PRRG4: variants seen among roughly 807,000 people sequenced by gnomAD.
PRRG4 encodes the protein transmembrane gamma-carboxyglutamic acid protein 4.
Under a neutral mutation model 20.0 loss-of-function variants are expected in PRRG4, and 12 were observed. That is an observed-to-expected ratio of 0.60 (90% CI 0.38 to 0.97). The LOEUF is 0.97. Among genes scored for constraint, PRRG4 ranks in the 50% least tolerant of loss-of-function variants. PRRG4 has a pLI of 0.00. For synonymous variants in PRRG4, 94 were observed against 96.4 expected (o/e 0.98, Z 0.15); for missense variants, 199 against 265.1 (o/e 0.75, Z 1.73).
At chr11:32,830,404 C>T (rs1468385803) in intron 1 of PRRG4, 104 bp from the exon 2 acceptor site, 1 of 1,015,890 alleles carries the variant, frequency 9.8e-7, no homozygotes, top group Non-Finnish European at 1.3e-6. Flanking sequence ...GGCGCTCTTG[C>T]GCCTAGGCTT....
At chr11:32,830,748 A>G in intron 2 of PRRG4, 116 bp downstream of exon 2, 1 of 1,496,396 alleles carries the variant, frequency 6.7e-7, no homozygotes, top group Non-Finnish European at 9.0e-7. Context: ...AATATCCTTT[A>G]GTTTAATTTG....
chr11:32,830,442 C>T (rs1850956886), intron 1 of PRRG4, 66 bp from the exon 2 acceptor site: 2 of 1,220,382 alleles, frequency 1.6e-6, no homozygotes, highest in African/African-American at 1.6e-5. Flanking sequence ...TGATTCAGTT[C>T]GACAGAAACT....
intron 2 of PRRG4, among the ~76,000 whole-genome samples, chr11:32,831,093 T>A (rs191436053): frequency 9.8e-4 from 149 of 152,242 alleles, no homozygotes; most frequent in Non-Finnish European, 3.4e-4. Context: ...GGGCGTAAAA[T>A]GATCTCTGAG....
At chr11:32,848,348 T>C (rs1017229473) in intron 5 of PRRG4, among the ~76,000 whole-genome samples, 2 of 152,100 alleles carry the variant, frequency 1.3e-5, no homozygotes, top group African/African-American at 4.8e-5. Flanking sequence ...TACTGTTGCA[T>C]TGAGGATTAA....
Position 32,853,610 on chromosome 11 carries a change from G to T in PRRG4, c.*83G>T. The stretch of plus-strand genomic sequence containing the variant: ...CTCATGCCTGTAATCCCAGCACTTT[G>T]GGAGGCCAGGAGTTCGAGACCAGCC... On this transcript the variant is annotated 3_prime_UTR_variant, in exon 6 of 6. Transcript: ENST00000257836. 8.8e-7 allele frequency: 1 copy of T among 1,130,000 alleles called. No individual in the cohort carries two copies. The highest frequency in any genetic ancestry group is 1.4e-5 in the South Asian group (1 of 73,408). The allele number at this position is 1,130,000 out of a possible 1,614,324, so 70.0% of individuals were successfully genotyped here. A position where few individuals can be genotyped will look rare whatever the true frequency, so the allele number is the denominator to read the frequency against.
Position 32,830,491 on chromosome 11 carries a change from T to G in PRRG4, c.-22-17T>G. The G allele has an allele frequency of 6.8e-7, 1 of 1,461,222 alleles. No homozygotes were observed. The highest frequency in any genetic ancestry group is 2.1e-4 in the Middle Eastern group (1 of 4,802). The allele number at this position is 1,461,222 out of a possible 1,614,324, so 90.5% of individuals were successfully genotyped here. A position where few individuals can be genotyped will look rare whatever the true frequency, so the allele number is the denominator to read the frequency against. ...TAGGGGCCTTTTTTTTTTAATATTT[T>G]TTTTTGTTTGTTTTAGTTTGTTTGA... On this transcript the variant is annotated splice_polypyrimidine_tract_variant and intron_variant, in intron 1 of 5. Transcript: ENST00000257836.
chr11:32,829,838 C>A, upstream of PRRG4: 2 of 985,398 alleles, frequency 2.0e-6, no homozygotes, highest in Non-Finnish European at 2.4e-6. Context: ...GAGACGCCGG[C>A]CCACTGCCCG....
At chr11:32,849,508 C>CA (rs1462753881) in intron 5 of PRRG4, among the ~76,000 whole-genome samples, 1 of 151,320 alleles carries the variant, frequency 6.6e-6, no homozygotes, top group Non-Finnish European at 1.5e-5. Flanking sequence ...ACTAAAAATA[C>CA]AAAAAATTAG....
chr11:32,832,198 C>T (rs1009236074), intron 2 of PRRG4, among the ~76,000 whole-genome samples: 1 of 152,068 alleles, frequency 6.6e-6, no homozygotes, highest in African/African-American at 2.4e-5. Flanking sequence ...TGCCAGGCCC[C>T]GTGCTGTGTG....
intron 5 of PRRG4, among the ~76,000 whole-genome samples, chr11:32,850,230 C>G (rs567673453): frequency 2.0e-5 from 3 of 152,304 alleles, no homozygotes; most frequent in Non-Finnish European, 4.4e-5. Context: ...ACTTTCTTCT[C>G]TCCCCTGCTT....
At chr11:32,844,750 C>T (rs1264332448) in intron 5 of PRRG4, among the ~76,000 whole-genome samples, 1 of 152,108 alleles carries the variant, frequency 6.6e-6, no homozygotes, top group Non-Finnish European at 1.5e-5. Context: ...ATCCTCGTGC[C>T]TTGGCCTCCC....
At chr11:32,847,946 G>C (rs1317628240) in intron 5 of PRRG4, among the ~76,000 whole-genome samples, 1 of 152,232 alleles carries the variant, frequency 6.6e-6, no homozygotes, top group African/African-American at 2.4e-5. Context: ...ATCTAGGATA[G>C]GCAAATTCAC....
intron 2 of PRRG4, among the ~76,000 whole-genome samples, chr11:32,833,899 G>A (rs559603189): frequency 4.8e-4 from 73 of 152,242 alleles, no homozygotes; most frequent in Middle Eastern, 3.4e-3. Flanking sequence ...GCCAGGGGTG[G>A]GTAGGGATGG....
At position 32,855,361 on chromosome 11, in the gene PRRG4, G is replaced by A. The variant is rs1851221209; in HGVS notation, c.*1834G>A. 7.3e-6 allele frequency: 1 copy of A among 136,680 alleles called. No individual in the cohort carries two copies. Among genetic ancestry groups the A allele is most frequent in the African/African-American group, 2.8e-5 (1 of 35,436 alleles). The allele number at this position is 136,680 out of a possible 1,614,324, so 8.5% of individuals were successfully genotyped here. On this transcript the variant is annotated 3_prime_UTR_variant, in exon 6 of 6. Transcript: ENST00000257836. ...TAACATACTCCTGAAAAATAGAATAGAAATTTCTGTGCTTTATGTTTTTGC... is the reference window on the plus strand; with the variant it reads ...TAACATACTCCTGAAAAATAGAATAAAAATTTCTGTGCTTTATGTTTTTGC...
At chr11:32,843,464 T>G (rs777001311) in intron 5 of PRRG4, among the ~76,000 whole-genome samples, 40 of 151,804 alleles carry the variant, frequency 2.6e-4, no homozygotes, top group Non-Finnish European at 4.4e-4. Flanking sequence ...AATTGCGGTT[T>G]TTGCCATTTA....
intron 2 of PRRG4, among the ~76,000 whole-genome samples, chr11:32,835,826 A>G (rs1851014681): frequency 1.3e-5 from 2 of 152,308 alleles, no homozygotes; most frequent in South Asian, 2.1e-4. Context: ...GAACTTGGCC[A>G]GGCACGGTGG....
chr11:32,837,556 T>G (rs1417561593), intron 3 of PRRG4, among the ~76,000 whole-genome samples: 3,143 of 145,806 alleles, frequency 0.022, 47 homozygotes, highest in African/African-American at 0.038. Context: ...TTATTATTAT[T>G]ATTATTATTA....
At chr11:32,846,730 T>C (rs1851134180) in intron 5 of PRRG4, among the ~76,000 whole-genome samples, 1 of 152,096 alleles carries the variant, frequency 6.6e-6, no homozygotes, top group Non-Finnish European at 1.5e-5. Flanking sequence ...CCACACGCGG[T>C]GGCTCATGCC....
At position 32,858,010 on chromosome 11, in the gene PRRG4, AAC is replaced by A. The variant is rs754701138; in HGVS notation, c.*4484_*4485del. 6.6e-6 allele frequency: 1 copy of A among 152,106 alleles called. No homozygotes were observed. Among genetic ancestry groups the A allele is most frequent in the Non-Finnish European group, 1.5e-5 (1 of 67,970 alleles). The allele number at this position is 152,106 out of a possible 1,614,324, so 9.4% of individuals were successfully genotyped here. On this transcript the variant is annotated 3_prime_UTR_variant, in exon 6 of 6. Transcript: ENST00000257836. ...CAGTATTTTTGTGATCTGAAAAAGCAACCCATTTTCTAAATTCATATTTTTCC... is the reference window on the plus strand; with the variant it reads ...CAGTATTTTTGTGATCTGAAAAAGCACCATTTTCTAAATTCATATTTTTCC...
Sources: allele counts gnomAD v4.1 joint callset (sites outside exome capture counted in the v4.1 genomes callset), GRCh38; gene constraint gnomAD v4.1.1; transcripts MANE v1.5; gene names NCBI Gene and HGNC (gene_info 2026-07-23, HGNC 2026-07-21).